The following CSMD1 variants were observed in gnomAD, a reference collection of about 807,000 sequenced individuals.
CSMD1 encodes the protein CUB and Sushi multiple domains 1, also known as CUB and sushi domain-containing protein 1.
CSMD1 carries 213 observed loss-of-function variants against 417.5 expected under a neutral mutation model. The observed-to-expected ratio is 0.51, with a 90% CI of 0.46 to 0.57. The LOEUF (loss-of-function observed/expected upper bound fraction) is 0.57. CSMD1 is among the 20% of genes least tolerant of loss of function. CSMD1 has a pLI of 0.00. For synonymous variants in CSMD1, 2,862 were observed against 1,736.8 expected, an observed-to-expected ratio of 1.65 and a Z score of -16.11; for missense variants, 6,923 against 4,529.7, an observed-to-expected ratio of 1.53 and a Z score of -15.17.
intron 1 of CSMD1, among the ~76,000 whole-genome samples, chr8:4,692,322 A>T (rs1489459723): frequency 1.1e-4 from 17 of 152,176 alleles, no homozygotes; most frequent in Admixed American, 9.8e-4. Context: ...ATTTAAAAAC[A>T]AAAAAAGAAT....
chr8:4,336,985 C>T (rs572979388), intron 3 of CSMD1, among the ~76,000 whole-genome samples: 1 of 152,206 alleles, frequency 6.6e-6, no homozygotes, highest in East Asian at 1.9e-4. Context: ...GCCGTGTTTT[C>T]TTCCCAGAAT....
chr8:4,019,060 T>C (rs1437975760), intron 4 of CSMD1, among the ~76,000 whole-genome samples: 1 of 152,232 alleles, frequency 6.6e-6, no homozygotes, highest in Non-Finnish European at 1.5e-5. Flanking sequence ...AGACAGATGC[T>C]ACTCCATTTG....
intron 27 of CSMD1, among the ~76,000 whole-genome samples, chr8:3,228,219 T>C (rs1798630973): frequency 6.6e-6 from 1 of 152,228 alleles, no homozygotes; most frequent in Admixed American, 6.5e-5. Context: ...GTAAAATGTA[T>C]TACCCTTTAA....
intron 3 of CSMD1, among the ~76,000 whole-genome samples, chr8:4,369,188 C>G (rs1465857142): frequency 6.6e-6 from 1 of 152,120 alleles, no homozygotes; most frequent in East Asian, 1.9e-4. Context: ...TGATTTCTGA[C>G]TTAATTTCAT....
intron 3 of CSMD1, among the ~76,000 whole-genome samples, chr8:4,196,901 C>A (rs550417203): frequency 1.3e-5 from 2 of 152,268 alleles, no homozygotes; most frequent in East Asian, 3.9e-4. Context: ...CATTAAATTC[C>A]CACATTTCTA....
chr8:4,384,509 C>G (rs1230847485), intron 3 of CSMD1, among the ~76,000 whole-genome samples: 5 of 152,212 alleles, frequency 3.3e-5, no homozygotes, highest in African/African-American at 4.8e-5. Context: ...ATAGTTGATA[C>G]TGTGACAAAT....
rs534095555 is a variant in CSMD1, at chr8:3,860,835, C to T, written c.819-106793G>A. Among the ~76,000 whole-genome samples the T allele has an allele frequency of 5.9e-5, 9 of 152,194 alleles. No individual in the cohort carries two copies. In the East Asian group the frequency reaches 1.7e-3, roughly 29 times the overall value. ...GTTTTCTGGTGAACAAACGTGTTCT[C>T]TAAGAAAAATATACAATCATGAAAA... On this transcript the variant is annotated intron_variant, in intron 5 of 69. Transcript: ENST00000635120.
chr8:4,282,059 G>C (rs1287950937), intron 3 of CSMD1, among the ~76,000 whole-genome samples: 1 of 152,182 alleles, frequency 6.6e-6, no homozygotes, highest in Non-Finnish European at 1.5e-5. Context: ...CTGGGTTGTA[G>C]CACATTGTAG....
At chr8:3,899,030 C>T (rs752517420) in intron 5 of CSMD1, among the ~76,000 whole-genome samples, 4 of 152,172 alleles carry the variant, frequency 2.6e-5, no homozygotes, top group East Asian at 1.9e-4. Flanking sequence ...AGGTCGTACG[C>T]GTCCAGGAAA....
intron 5 of CSMD1, among the ~76,000 whole-genome samples, chr8:3,991,308 T>A (rs1814728298): frequency 6.6e-6 from 1 of 152,200 alleles, no homozygotes; most frequent in Admixed American, 6.5e-5. Context: ...AGTTTCAGGG[T>A]GGAGGTACCT....
At chr8:3,799,260 T>TTTA (rs202005523) in intron 5 of CSMD1, among the ~76,000 whole-genome samples, 4,393 of 152,030 alleles carry the variant, frequency 0.029, 157 homozygotes, top group African/African-American at 0.08. Flanking sequence ...AGCATTTTTT[T>TTTA]TTATACTTTA....
intron 3 of CSMD1, among the ~76,000 whole-genome samples, chr8:4,388,486 T>G (rs77843589): frequency 6.7e-6 from 1 of 150,242 alleles, no homozygotes. Flanking sequence ...CTCACTGATA[T>G]GTGGGAGGTA....
rs182316258 is a variant in CSMD1, at chr8:4,530,623, T to C, written c.302+106719A>G. On this transcript the variant is annotated intron_variant, in intron 2 of 69. Transcript: ENST00000635120. ...TGATTTTCTGTTCCTGTATTAGTTT[T>C]CTGAGGATGATGGTTTCTAGCTTCA... Among the ~76,000 whole-genome samples, 365 of 151,700 alleles carry C rather than the reference T, an allele frequency of 2.4e-3. 2 individuals are homozygous for C. The highest frequency in any genetic ancestry group is 8.3e-3 in the African/African-American group (343 of 41,342).
chr8:3,796,971 C>T (rs1274152323), intron 5 of CSMD1, among the ~76,000 whole-genome samples: 2 of 151,614 alleles, frequency 1.3e-5, no homozygotes, highest in African/African-American at 4.8e-5. Context: ...TTAAATAATT[C>T]CCCACAGCTA....
At chr8:3,527,051 T>G (rs1044840614) in intron 10 of CSMD1, among the ~76,000 whole-genome samples, 1 of 151,984 alleles carries the variant, frequency 6.6e-6, no homozygotes, top group African/African-American at 2.4e-5. Flanking sequence ...GTCGTATGCA[T>G]GCCGGGTCAG....
intron 3 of CSMD1, among the ~76,000 whole-genome samples, chr8:4,075,795 T>A (rs1192101700): frequency 6.6e-6 from 1 of 152,176 alleles, no homozygotes; most frequent in Non-Finnish European, 1.5e-5. Context: ...GAGGTTGTGA[T>A]GACAGAGCAG....
intron 1 of CSMD1, among the ~76,000 whole-genome samples, chr8:4,964,596 G>A (rs948387744): frequency 6.6e-6 from 1 of 150,982 alleles, no homozygotes; most frequent in African/African-American, 2.4e-5. Context: ...AGAAGGACTG[G>A]AGTTAATCAA....
At chr8:4,863,414 G>C (rs527572829) in intron 1 of CSMD1, among the ~76,000 whole-genome samples, 44 of 152,156 alleles carry the variant, frequency 2.9e-4, no homozygotes, top group African/African-American at 9.9e-4. Flanking sequence ...CCCTCCCCAT[G>C]AGACTCAATA....
intron 4 of CSMD1, among the ~76,000 whole-genome samples, chr8:4,019,612 A>C (rs960400970): frequency 6.6e-6 from 1 of 152,184 alleles, no homozygotes; most frequent in Admixed American, 6.5e-5. Flanking sequence ...GTCAGAAGAC[A>C]AGTGATTTCC....
Sources: allele counts gnomAD v4.1 joint callset (sites outside exome capture counted in the v4.1 genomes callset), GRCh38; gene constraint gnomAD v4.1.1; transcripts MANE v1.5; gene names NCBI Gene and HGNC (gene_info 2026-07-23, HGNC 2026-07-21).